CNTN1: variants seen among roughly 807,000 people sequenced by gnomAD.
CNTN1 encodes contactin 1, also known as contactin-1.
CNTN1 carries 38 observed loss-of-function variants against 126.4 expected under a neutral mutation model. The ratio of observed to expected loss-of-function variants is 0.30; its 90% confidence interval spans 0.23 to 0.39. The LOEUF (loss-of-function observed/expected upper bound fraction) is 0.39. Among genes scored for constraint, CNTN1 ranks in the 10% least tolerant of loss-of-function variants. CNTN1 has a pLI of 1.00. For synonymous variants in CNTN1, 413 were observed against 422.6 expected (o/e 0.98, Z 0.28); for missense variants, 1,009 against 1,248.4 (o/e 0.81, Z 2.89).
intron 1 of CNTN1, among the ~76,000 whole-genome samples, chr12:40,749,082 C>T (rs990583318): frequency 2.6e-5 from 4 of 152,034 alleles, no homozygotes; most frequent in African/African-American, 9.7e-5. Context: ...ACCTGGTGTT[C>T]TCCTGATTTA....
chr12:40,754,780 A>G (rs1938536119), intron 1 of CNTN1, among the ~76,000 whole-genome samples: 2 of 152,022 alleles, frequency 1.3e-5, no homozygotes, highest in South Asian at 4.2e-4. Flanking sequence ...TATCACATCT[A>G]TTATTAGGTC....
chr12:40,712,982 G>T (rs919696216), intron 1 of CNTN1, among the ~76,000 whole-genome samples: 19 of 152,034 alleles, frequency 1.2e-4, no homozygotes, highest in Non-Finnish European at 2.2e-4. Flanking sequence ...TTAAAAAAAA[G>T]TCTGGCACTT....
intron 1 of CNTN1, among the ~76,000 whole-genome samples, chr12:40,748,611 A>G (rs1189448461): frequency 6.6e-6 from 1 of 152,176 alleles, no homozygotes; most frequent in East Asian, 1.9e-4. Context: ...TATTTAAAAC[A>G]CAATGTAAAA....
chr12:41,065,011 T>TGC (rs2121135680), intron 23 of CNTN1, among the ~76,000 whole-genome samples: 1 of 152,274 alleles, frequency 6.6e-6, no homozygotes, highest in Non-Finnish European at 1.5e-5. Context: ...TCCCAATATA[T>TGC]CCTTGTGGCT....
At position 41,025,909 on chromosome 12, in the gene CNTN1, G is replaced by A. The variant is rs566014253; in HGVS notation, c.2710+573G>A. Among the ~76,000 whole-genome samples the A allele has an allele frequency of 1.5e-4, 23 of 152,268 alleles. No homozygotes were observed. In the South Asian group the frequency reaches 3.7e-3, roughly 25 times the overall value. On this transcript the variant is annotated intron_variant, in intron 21 of 23. Coordinates refer to ENST00000551295, the MANE Select transcript of CNTN1 (RefSeq NM_001843.4). ...CTGTTCTTGAACCCAAGTGGAATAA[G>A]TAAAAAGGAGAATTTTTATGTAGGA...
chr12:40,763,601 G>A (rs1218571711), intron 1 of CNTN1, among the ~76,000 whole-genome samples: 1 of 152,016 alleles, frequency 6.6e-6, no homozygotes, highest in African/African-American at 2.4e-5. Context: ...AGGAAGGTGA[G>A]GCTAAAGAAA....
chr12:41,005,867 C>A (rs1948480034), intron 17 of CNTN1, among the ~76,000 whole-genome samples: 1 of 152,128 alleles, frequency 6.6e-6, no homozygotes, highest in South Asian at 2.1e-4. Context: ...TTACAGTATA[C>A]TGCTCTAGCT....
chr12:40,745,629 AT>A (rs1343002959), intron 1 of CNTN1, among the ~76,000 whole-genome samples: 1 of 152,174 alleles, frequency 6.6e-6, no homozygotes, highest in Non-Finnish European at 1.5e-5. Flanking sequence ...AATGTTTCTT[AT>A]CAGACTTAAA....
intron 12 of CNTN1, among the ~76,000 whole-genome samples, chr12:40,942,717 T>A (rs148179369): frequency 1.4e-3 from 217 of 152,232 alleles, no homozygotes; most frequent in African/African-American, 5.1e-3. Context: ...TGATACTTCA[T>A]TTCTCCTTCA....
intron 1 of CNTN1, among the ~76,000 whole-genome samples, chr12:40,889,378 T>C (rs1032832144): frequency 2.0e-5 from 3 of 152,216 alleles, no homozygotes; most frequent in African/African-American, 7.2e-5. Context: ...GCAATTGGAA[T>C]GTCATTGCTT....
At chr12:40,811,971 A>G (rs77190938) in intron 1 of CNTN1, among the ~76,000 whole-genome samples, 3,441 of 149,562 alleles carry the variant, frequency 0.023, 127 homozygotes, top group African/African-American at 0.079. Context: ...ATTCCTTGAG[A>G]TGTAATGTTA....
chr12:40,948,258 CTT>C (rs58087551), intron 14 of CNTN1, among the ~76,000 whole-genome samples: 4 of 62,694 alleles, frequency 6.4e-5, no homozygotes, highest in South Asian at 6.8e-4. Flanking sequence ...TTCTTTCTTT[CTT>C]TTTTTTTTTT....
chr12:40,860,846 G>A (rs1433646578), intron 1 of CNTN1, among the ~76,000 whole-genome samples: 1 of 152,040 alleles, frequency 6.6e-6, no homozygotes, highest in African/African-American at 2.4e-5. Flanking sequence ...AGGTGGGGCT[G>A]AGAGTTCCAA....
chr12:40,989,595 T>C (rs1948051354), intron 16 of CNTN1, among the ~76,000 whole-genome samples: 1 of 152,168 alleles, frequency 6.6e-6, no homozygotes, highest in Non-Finnish European at 1.5e-5. Context: ...ACTAAAGTGA[T>C]TGATATAGAC....
intron 18 of CNTN1, 60 bp from the exon 19 acceptor site, chr12:41,016,622 G>T: frequency 9.5e-7 from 1 of 1,057,972 alleles, no homozygotes; most frequent in Non-Finnish European, 1.5e-6. Flanking sequence ...TATCCCCATA[G>T]CATTTCCTCC....
Position 41,031,097 on chromosome 12 carries a change from C to T in CNTN1, c.2980+1878C>T, listed in dbSNP as rs139867050. 4.0e-3 allele frequency among the ~76,000 whole-genome samples: 604 copies of T among 152,238 alleles called. 7 individuals are homozygous for T. The highest frequency in any genetic ancestry group is 0.014 in the African/African-American group (581 of 41,550). ...TCACCCTTGGTTCATCATTCCTCAC[C>T]GAAAGGAGAACCTAGCTTCTGGGAT... On this transcript the variant is annotated intron_variant, in intron 23 of 23. Transcript: ENST00000551295.
At chr12:40,893,271 A>G (rs779927853) in intron 1 of CNTN1, among the ~76,000 whole-genome samples, 30 of 152,216 alleles carry the variant, frequency 2.0e-4, no homozygotes, top group South Asian at 2.1e-4. Flanking sequence ...AAAATTTAAG[A>G]ATAGAAATTT....
chr12:40,935,643 C>T (rs1311153994), intron 9 of CNTN1, among the ~76,000 whole-genome samples: 1 of 151,908 alleles, frequency 6.6e-6, no homozygotes, highest in Non-Finnish European at 1.5e-5. Context: ...TTATGTATTG[C>T]TAAGATTGTA....
chr12:40,971,836 A>C, intron 15 of CNTN1: 3 of 1,131,358 alleles, frequency 2.7e-6, no homozygotes, highest in Non-Finnish European at 3.3e-6. Flanking sequence ...TATCTGAAAA[A>C]CGTATGAAGA....
Sources: allele counts gnomAD v4.1 joint callset (sites outside exome capture counted in the v4.1 genomes callset), GRCh38; gene constraint gnomAD v4.1.1; transcripts MANE v1.5; gene names NCBI Gene and HGNC (gene_info 2026-07-23, HGNC 2026-07-21).